The following GRID2 variants were observed in gnomAD, a reference collection of about 807,000 sequenced individuals.
GRID2 encodes the protein glutamate receptor ionotropic, delta-2.
Under a neutral mutation model 114.8 loss-of-function variants are expected in GRID2, and 33 were observed. The observed-to-expected ratio is 0.29, with a 90% CI of 0.22 to 0.38. GRID2 has a LOEUF of 0.38. Among genes scored for constraint, GRID2 ranks in the 10% least tolerant of loss-of-function variants. The pLI is 1.00. For synonymous variants in GRID2, 505 were observed against 449.9 expected (o/e 1.12, Z -1.55); for missense variants, 1,184 against 1,257.7 (o/e 0.94, Z 0.89).
intron 1 of GRID2, among the ~76,000 whole-genome samples, chr4:92,505,083 C>A (rs1002696855): frequency 2.3e-4 from 35 of 151,890 alleles, no homozygotes; most frequent in African/African-American, 8.2e-4. Flanking sequence ...AGTTAATCTA[C>A]AAAACTTGAG....
chr4:92,584,363 G>T (rs1728323900), intron 1 of GRID2, among the ~76,000 whole-genome samples: 1 of 151,872 alleles, frequency 6.6e-6, no homozygotes, highest in South Asian at 2.1e-4. Flanking sequence ...TATGCAAAAT[G>T]CATTGTCAGA....
intron 10 of GRID2, among the ~76,000 whole-genome samples, chr4:93,437,700 A>G (rs1721231148): frequency 6.6e-6 from 1 of 152,086 alleles, no homozygotes; most frequent in Non-Finnish European, 1.5e-5. Context: ...TCTATATCTC[A>G]CTTCCCTCTT....
At chr4:93,637,532 T>C (rs1487775534) in intron 14 of GRID2, among the ~76,000 whole-genome samples, 1 of 152,176 alleles carries the variant, frequency 6.6e-6, no homozygotes, top group Admixed American at 6.6e-5. Flanking sequence ...ATGGCTGTCT[T>C]CCTTCATATT....
chr4:92,579,269 T>C (rs1388890529), intron 1 of GRID2, among the ~76,000 whole-genome samples: 1 of 152,136 alleles, frequency 6.6e-6, no homozygotes. Context: ...TTTCAATATG[T>C]GTTTAAAAGG....
At chr4:92,448,267 C>T (rs569702085) in intron 1 of GRID2, among the ~76,000 whole-genome samples, 27 of 152,144 alleles carry the variant, frequency 1.8e-4, no homozygotes, top group East Asian at 7.8e-4. Context: ...CTCTACCTCT[C>T]GGGTTCAAGT....
chr4:93,713,261 G>C (rs1400985466), intron 14 of GRID2, among the ~76,000 whole-genome samples: 1 of 151,942 alleles, frequency 6.6e-6, no homozygotes, highest in Non-Finnish European at 1.5e-5. Flanking sequence ...CTCACCTCTA[G>C]CCTAGAGTAC....
chr4:93,345,550 G>C (rs1760139132), intron 8 of GRID2, among the ~76,000 whole-genome samples: 1 of 151,906 alleles, frequency 6.6e-6, no homozygotes, highest in Non-Finnish European at 1.5e-5. Flanking sequence ...GATATTAATA[G>C]TTTGTACGGT....
chr4:93,118,284 T>A (rs913984373), intron 4 of GRID2, among the ~76,000 whole-genome samples: 1 of 152,194 alleles, frequency 6.6e-6, no homozygotes, highest in Non-Finnish European at 1.5e-5. Context: ...CATATACGTA[T>A]TCAATTCTTC....
intron 14 of GRID2, among the ~76,000 whole-genome samples, chr4:93,655,512 T>A (rs1722923818): frequency 6.6e-6 from 1 of 152,082 alleles, no homozygotes; most frequent in South Asian, 2.1e-4. Flanking sequence ...TTATCAAAAC[T>A]GGAAGAAATT....
chr4:92,960,994 A>C (rs1202034098), intron 2 of GRID2, among the ~76,000 whole-genome samples: 1 of 152,040 alleles, frequency 6.6e-6, no homozygotes, highest in Non-Finnish European at 1.5e-5. Context: ...GTCCACCTTC[A>C]AGTAACACTA....
At chr4:92,677,652 C>A (rs1733442694) in intron 2 of GRID2, among the ~76,000 whole-genome samples, 1 of 152,062 alleles carries the variant, frequency 6.6e-6, no homozygotes, top group Non-Finnish European at 1.5e-5. Context: ...ATTGATCATG[C>A]CAAAATGTTG....
intron 14 of GRID2, among the ~76,000 whole-genome samples, chr4:93,731,283 C>T (rs759487050): frequency 3.3e-5 from 5 of 151,912 alleles, no homozygotes; most frequent in South Asian, 2.1e-4. Flanking sequence ...CTGTTGCAGT[C>T]GACAACTGAG....
intron 1 of GRID2, among the ~76,000 whole-genome samples, chr4:92,535,046 C>T (rs979945380): frequency 1.3e-5 from 2 of 152,164 alleles, no homozygotes; most frequent in Admixed American, 6.5e-5. Context: ...CTCATTTAGG[C>T]CTGAATATAA....
chr4:93,410,969 T>C (rs1029240963), intron 9 of GRID2, among the ~76,000 whole-genome samples: 12 of 152,224 alleles, frequency 7.9e-5, no homozygotes, highest in African/African-American at 2.9e-4. Flanking sequence ...AATGACTTCA[T>C]TTACTTTCTA....
intron 14 of GRID2, among the ~76,000 whole-genome samples, chr4:93,648,479 G>A (rs1032096511): frequency 2.6e-5 from 4 of 152,082 alleles, no homozygotes; most frequent in African/African-American, 9.7e-5. Context: ...ACATCCTCAA[G>A]ACCTTGAGCA....
chr4:93,526,121 G>A (rs954179434), intron 13 of GRID2, among the ~76,000 whole-genome samples: 1 of 152,138 alleles, frequency 6.6e-6, no homozygotes, highest in African/African-American at 2.4e-5. Context: ...CATGTGTCAG[G>A]GTAGGGACCA....
chr4:92,531,416 C>G (rs1725349156), intron 1 of GRID2, among the ~76,000 whole-genome samples: 1 of 151,588 alleles, frequency 6.6e-6, no homozygotes, highest in Non-Finnish European at 1.5e-5. Flanking sequence ...GAGAATGAAA[C>G]CAACAAACAA....
intron 2 of GRID2, among the ~76,000 whole-genome samples, chr4:93,013,352 G>T (rs560637354): frequency 6.6e-6 from 1 of 151,986 alleles, no homozygotes; most frequent in South Asian, 2.1e-4. Context: ...GACACCATAT[G>T]TTAATACTAT....
rs113594102 is a variant in GRID2, at chr4:92,415,710, A to ATGTG, written c.88+110986_88+110989dup. Among the ~76,000 whole-genome samples the ATGTG allele has an allele frequency of 2.5e-3, 267 of 107,506 alleles. 2 individuals carry two copies. The highest frequency in any genetic ancestry group is 8.2e-3 in the African/African-American group (248 of 30,218). The allele number at this position is 107,506 out of a possible 152,430, so 70.5% of individuals were successfully genotyped here. On this transcript the variant is annotated intron_variant, in intron 1 of 15. Coordinates refer to ENST00000282020, the MANE Select transcript of GRID2 (RefSeq NM_001510.4). ...TGTATGTGTGTGTGCATGCGCATGT[A>ATGTG]TGTGTGTGTGTGTGTGTGTGTGTAT... is the stretch of plus-strand genomic sequence containing the variant.
Sources: allele counts gnomAD v4.1 joint callset (sites outside exome capture counted in the v4.1 genomes callset), GRCh38; gene constraint gnomAD v4.1.1; transcripts MANE v1.5; gene names NCBI Gene and HGNC (gene_info 2026-07-23, HGNC 2026-07-21).